The following AKAP19 variants were observed in gnomAD, a reference collection of about 807,000 sequenced individuals.
The protein encoded by AKAP19 is A-kinase anchoring protein 19.
the AKAP19 span, among the ~76,000 whole-genome samples, chr2:190,020,247 A>G: frequency 2.1e-4 from 32 of 152,340 alleles, no homozygotes; most frequent in South Asian, 5.6e-3. Flanking sequence ...CTTGGGACCA[A>G]AGATTAAAAG....
chr2:190,199,975 G>C, the AKAP19 span: 1 of 1,613,996 alleles, frequency 6.2e-7, no homozygotes, highest in South Asian at 1.1e-5. Context: ...ACCTAGGATG[G>C]CTTCTCCAGT....
the AKAP19 span, among the ~76,000 whole-genome samples, chr2:189,933,997 T>C: frequency 6.6e-6 from 1 of 152,120 alleles, no homozygotes; most frequent in Non-Finnish European, 1.5e-5. Context: ...TCTAAACATT[T>C]GCCACACATT....
the AKAP19 span, among the ~76,000 whole-genome samples, chr2:190,011,524 A>G: frequency 6.6e-6 from 1 of 152,012 alleles, no homozygotes; most frequent in Non-Finnish European, 1.5e-5. Context: ...ATGTCATGTC[A>G]TTTTTCCCAT....
At chr2:190,190,165 A>C in the AKAP19 span, among the ~76,000 whole-genome samples, 1 of 152,214 alleles carries the variant, frequency 6.6e-6, no homozygotes, top group Admixed American at 6.5e-5. Flanking sequence ...CTAACATACC[A>C]ATTAAGATAT....
chr2:190,108,436 G>A, the AKAP19 span, among the ~76,000 whole-genome samples: 10 of 152,208 alleles, frequency 6.6e-5, no homozygotes, highest in Non-Finnish European at 8.8e-5. Context: ...GATTACAGGC[G>A]TCAGCCACTA....
At chr2:189,919,353 A>G in the AKAP19 span, among the ~76,000 whole-genome samples, 1 of 152,160 alleles carries the variant, frequency 6.6e-6, no homozygotes, top group Non-Finnish European at 1.5e-5. Flanking sequence ...GATGTACCAA[A>G]TGTTAATTAA....
At chr2:190,019,739 T>C in the AKAP19 span, among the ~76,000 whole-genome samples, 3 of 152,146 alleles carry the variant, frequency 2.0e-5, no homozygotes, top group Non-Finnish European at 4.4e-5. Context: ...GTTCTCTTTT[T>C]CTACTGTAGA....
At chr2:190,200,299 A>G in the AKAP19 span, 1 of 674,440 alleles carries the variant, frequency 1.5e-6, no homozygotes. Flanking sequence ...CTAGGATGAA[A>G]TGCATTTTAA....
At chr2:189,907,488 A>T in the AKAP19 span, among the ~76,000 whole-genome samples, 8 of 152,042 alleles carry the variant, frequency 5.3e-5, no homozygotes, top group African/African-American at 1.7e-4. Flanking sequence ...ATCATTCTGT[A>T]AAAAAATGCA....
the AKAP19 span, among the ~76,000 whole-genome samples, chr2:190,170,158 T>C: frequency 6.6e-6 from 1 of 152,160 alleles, no homozygotes; most frequent in Admixed American, 6.5e-5. Flanking sequence ...GCAAGCAGGC[T>C]CTTGGGTTTC....
the AKAP19 span, among the ~76,000 whole-genome samples, chr2:190,005,765 A>G: frequency 6.6e-6 from 1 of 152,216 alleles, no homozygotes; most frequent in Non-Finnish European, 1.5e-5. Flanking sequence ...GTAAATGCAA[A>G]TGGCAAGCTT....
At chr2:190,202,733 A>G in the AKAP19 span, 1 of 167,042 alleles carries the variant, frequency 6.0e-6, no homozygotes, top group African/African-American at 2.4e-5. Context: ...AGTAAGGGCA[A>G]ATGGGCTTCT....
At chr2:190,149,003 G>A in the AKAP19 span, among the ~76,000 whole-genome samples, 5 of 140,880 alleles carry the variant, frequency 3.5e-5, no homozygotes, top group East Asian at 5.9e-4. Context: ...CACTCTTCTT[G>A]CCCAGGCTGG....
the AKAP19 span, among the ~76,000 whole-genome samples, chr2:190,135,231 G>T: frequency 2.0e-5 from 3 of 152,136 alleles, no homozygotes; most frequent in Non-Finnish European, 4.4e-5. Flanking sequence ...CAGATGCACT[G>T]GATGTAGTAA....
At chr2:189,901,652 A>G in the AKAP19 span, among the ~76,000 whole-genome samples, 1 of 152,192 alleles carries the variant, frequency 6.6e-6, no homozygotes, top group East Asian at 1.9e-4. Context: ...TTTGATAAAA[A>G]TCTTTAAAAT....
At chr2:189,961,520 A>G in the AKAP19 span, among the ~76,000 whole-genome samples, 1 of 152,220 alleles carries the variant, frequency 6.6e-6, no homozygotes, top group Non-Finnish European at 1.5e-5. Flanking sequence ...AATCTTATAT[A>G]AAGCTCTTTA....
At chr2:190,081,623 G>A in the AKAP19 span, among the ~76,000 whole-genome samples, 2 of 152,002 alleles carry the variant, frequency 1.3e-5, no homozygotes, top group Non-Finnish European at 2.9e-5. Flanking sequence ...TATTCTATTA[G>A]TTTGTTTTAT....
At chr2:190,016,779 T>C in the AKAP19 span, among the ~76,000 whole-genome samples, 1 of 152,224 alleles carries the variant, frequency 6.6e-6, no homozygotes, top group East Asian at 1.9e-4. Context: ...AATAAAATGT[T>C]CTGTATATGT....
the AKAP19 span, among the ~76,000 whole-genome samples, chr2:190,171,642 T>A: frequency 6.6e-6 from 1 of 152,330 alleles, no homozygotes. Flanking sequence ...TATTTATTTC[T>A]CTTTTTTTGG....
Sources: gnomAD v4.1 joint callset for allele counts (sites outside exome capture counted in the v4.1 genomes callset) on GRCh38, gnomAD v4.1.1 for gene constraint, MANE v1.5 for transcripts, NCBI Gene and HGNC (gene_info 2026-07-23, HGNC 2026-07-21) for gene names.